KCNQ5: variants seen among roughly 807,000 people sequenced by gnomAD.
KCNQ5 encodes potassium voltage-gated channel subfamily Q member 5.
In KCNQ5, 30 loss-of-function variants were observed where a neutral mutation model predicts 98.2. That is an observed-to-expected ratio of 0.31 (90% CI 0.23 to 0.41). The LOEUF (loss-of-function observed/expected upper bound fraction) is 0.41, where lower values mean the gene tolerates loss of function less well. Among genes scored for constraint, KCNQ5 ranks in the 10% least tolerant of loss-of-function variants. The probability of loss-of-function intolerance (pLI) is 1.00; values close to 1 mark genes in which losing one functional copy is unlikely to be tolerated. For missense variants in KCNQ5, 835 were observed against 1,182.5 expected (o/e 0.71, Z 4.31); for synonymous variants, 458 against 449.4 (o/e 1.02, Z -0.24).
chr6:73,033,830 CT>C (rs1463401481), intron 2 of KCNQ5, among the ~76,000 whole-genome samples: 1 of 152,030 alleles, frequency 6.6e-6, no homozygotes, highest in Non-Finnish European at 1.5e-5. Context: ...TCCATGTGTC[CT>C]CAACACCAGG....
At chr6:73,003,817 G>A (rs1769701166) in intron 1 of KCNQ5, 91 bp from the exon 2 acceptor site, 1 of 804,616 alleles carries the variant, frequency 1.2e-6, no homozygotes. Flanking sequence ...TAATTTAATG[G>A]GCCTGGTGCT....
At chr6:72,791,671 G>A (rs1338973974) in intron 1 of KCNQ5, among the ~76,000 whole-genome samples, 1 of 152,198 alleles carries the variant, frequency 6.6e-6, no homozygotes, top group African/African-American at 2.4e-5. Context: ...ACTTGAGACT[G>A]GGTGACGTAT....
Position 72,622,140 on chromosome 6 carries a change from G to A in KCNQ5, c.-50G>A, listed in dbSNP as rs1039478851. On this transcript the variant is annotated 5_prime_UTR_variant, in exon 1 of 14. Transcript: ENST00000370398. This position sits in a 1 kb window ranked among gnomAD's most constrained non-coding sequence, Gnocchi z 6.0. ...ACCCGCCGGCGCACATGAGGCCGCT[G>A]CCCCCGCCGCAGGCGCTGGCGGCCC... The A allele has an allele frequency of 9.1e-6, 11 of 1,210,594 alleles. No individual in the cohort carries two copies. The highest frequency in any genetic ancestry group is 1.1e-5 in the Non-Finnish European group (11 of 973,850). The allele number at this position is 1,210,594 out of a possible 1,614,324, so 75.0% of individuals were successfully genotyped here.
chr6:72,892,771 A>G (rs890989554), intron 1 of KCNQ5, among the ~76,000 whole-genome samples: 8 of 152,116 alleles, frequency 5.3e-5, no homozygotes, highest in Admixed American at 5.2e-4. Context: ...TTGAAACAGA[A>G]CATTCATAGC....
At chr6:72,691,116 T>C (rs1768195197) in intron 1 of KCNQ5, among the ~76,000 whole-genome samples, 1 of 152,224 alleles carries the variant, frequency 6.6e-6, no homozygotes, top group African/African-American at 2.4e-5. Flanking sequence ...AAAGGAGTTA[T>C]AGTTTCAGAG....
At chr6:73,142,093 T>C (rs533778097) in intron 10 of KCNQ5, among the ~76,000 whole-genome samples, 16 of 152,308 alleles carry the variant, frequency 1.1e-4, no homozygotes, top group African/African-American at 3.4e-4. Context: ...TGAATGTCCA[T>C]ATGACATGCA....
chr6:73,057,176 C>T (rs1772548359), intron 3 of KCNQ5, among the ~76,000 whole-genome samples: 1 of 152,000 alleles, frequency 6.6e-6, no homozygotes, highest in African/African-American at 2.4e-5. Flanking sequence ...ATGTCCTTTG[C>T]AGGGACATGG....
intron 7 of KCNQ5, among the ~76,000 whole-genome samples, chr6:73,113,964 C>G (rs1357718756): frequency 6.6e-6 from 1 of 152,118 alleles, no homozygotes; most frequent in Non-Finnish European, 1.5e-5. Flanking sequence ...AAAAATAATG[C>G]AAAATGGAAT....
At chr6:73,104,108 G>T (rs1484318956) in intron 5 of KCNQ5, among the ~76,000 whole-genome samples, 1 of 152,030 alleles carries the variant, frequency 6.6e-6, no homozygotes, top group Admixed American at 6.6e-5. Context: ...TGCCAGAGCA[G>T]TTAGACAAGA....
At chr6:72,860,345 T>C (rs987448903) in intron 1 of KCNQ5, among the ~76,000 whole-genome samples, 3 of 152,146 alleles carry the variant, frequency 2.0e-5, no homozygotes, top group Non-Finnish European at 4.4e-5. Context: ...CAGGACCTTT[T>C]CAACATGCTC....
At position 72,971,070 on chromosome 6, in the gene KCNQ5, A is replaced by G. The variant is rs1010556287; in HGVS notation, c.399-32838A>G. Among the ~76,000 whole-genome samples the G allele has an allele frequency of 2.1e-3, 319 of 152,260 alleles. 2 individuals are homozygous for G. Among genetic ancestry groups the G allele is most frequent in the African/African-American group, 7.4e-3 (307 of 41,552 alleles). ...CATCAGAGTGAACAGGCAACCTACA[A>G]AATGGGAGAAAATTTTTGCAATCTA... On this transcript the variant is annotated intron_variant, in intron 1 of 13. Transcript: ENST00000370398.
chr6:72,986,016 G>C (rs1768755931), intron 1 of KCNQ5, among the ~76,000 whole-genome samples: 1 of 152,066 alleles, frequency 6.6e-6, no homozygotes, highest in Non-Finnish European at 1.5e-5. Flanking sequence ...GAATCATGAG[G>C]TCAGGAGTTC....
At position 73,195,485 on chromosome 6, in the gene KCNQ5, C is replaced by A. The variant is rs368224230; in HGVS notation, c.*71C>A. ...ATCATTGCATGAACTATTTCGAAAG[C>A]CCTTCTAAAAAGTTGAAATTGCAAG... On this transcript the variant is annotated 3_prime_UTR_variant, in exon 14 of 14. Coordinates refer to ENST00000370398, the MANE Select transcript of KCNQ5 (RefSeq NM_019842.4). The A allele has an allele frequency of 3.9e-5, 59 of 1,523,644 alleles. 1 individual carries two copies. In the South Asian group the frequency reaches 6.3e-4, roughly 16 times the overall value. 94.4% of individuals were successfully genotyped at this position (1,523,644 alleles called of 1,614,324 possible).
At chr6:72,850,001 G>C (rs1296185561) in intron 1 of KCNQ5, among the ~76,000 whole-genome samples, 3 of 152,146 alleles carry the variant, frequency 2.0e-5, no homozygotes, top group Non-Finnish European at 2.9e-5. Context: ...TGGGTCTACA[G>C]AGAATGTTTT....
intron 1 of KCNQ5, among the ~76,000 whole-genome samples, chr6:72,629,567 A>G (rs2098919703): frequency 6.6e-6 from 1 of 152,370 alleles, no homozygotes; most frequent in African/African-American, 2.4e-5. Flanking sequence ...AAAAAACACT[A>G]TAAACAAGAA....
chr6:72,898,600 G>T (rs1779350843), intron 1 of KCNQ5, among the ~76,000 whole-genome samples: 1 of 152,146 alleles, frequency 6.6e-6, no homozygotes, highest in Non-Finnish European at 1.5e-5. Context: ...CTGGTTCCAT[G>T]TCTTAGCTAT....
intron 1 of KCNQ5, among the ~76,000 whole-genome samples, chr6:72,953,184 G>C (rs2153831): frequency 0.88 from 133,879 of 152,222 alleles, 59,217 homozygotes; most frequent in Non-Finnish European, 0.93. Flanking sequence ...CATGATGAAG[G>C]CCACATAACA....
intron 1 of KCNQ5, among the ~76,000 whole-genome samples, chr6:72,695,251 A>T (rs1442234593): frequency 1.3e-5 from 2 of 152,230 alleles, no homozygotes; most frequent in African/African-American, 4.8e-5. Context: ...TGTAAAACAT[A>T]GCATTGTGTG....
At chr6:73,080,979 TTGAG>T (rs1773740810) in intron 5 of KCNQ5, among the ~76,000 whole-genome samples, 1 of 152,174 alleles carries the variant, frequency 6.6e-6, no homozygotes, top group Non-Finnish European at 1.5e-5. Flanking sequence ...ACCTAGTTCA[TTGAG>T]TAAGTGAAAT....
Sources: gnomAD v4.1 joint callset for allele counts (sites outside exome capture counted in the v4.1 genomes callset) on GRCh38, gnomAD v4.1.1 for gene constraint, Gnocchi (gnomAD v3.1) non-coding constraint, MANE v1.5 for transcripts, NCBI Gene and HGNC (gene_info 2026-07-23, HGNC 2026-07-21) for gene names.